Variants in PCNX2 observed in about 807,000 individuals in gnomAD.
PCNX2 encodes the protein pecanex 2, also known as pecanex-like protein 2.
In PCNX2, 168 loss-of-function variants were observed where a neutral mutation model predicts 223.8. That is an observed-to-expected ratio of 0.75 (90% confidence interval 0.66 to 0.85). The LOEUF is 0.85. Among genes scored for constraint, PCNX2 ranks in the 40% least tolerant of loss-of-function variants. The pLI, the probability that PCNX2 is intolerant of heterozygous loss-of-function variation, is 0.00. For missense variants in PCNX2, 2,507 were observed against 2,675.5 expected, an observed-to-expected ratio of 0.94 and a Z score of 1.39; for synonymous variants, 1,006 against 1,052.6, an observed-to-expected ratio of 0.96 and a Z score of 0.86.
In PCNX2 at chr1:233,054,508, C is replaced by T. The variant is rs758562297; in HGVS notation, c.4136-25G>A. The T allele has an allele frequency of 3.2e-6, 5 of 1,557,204 alleles. No individual in the cohort carries two copies. In the East Asian group the frequency reaches 1.1e-4, roughly 35 times the overall value. ...CCTAAAGGCAGACAAGAAATATGAT[C>T]AGTGAATGCCTACTCCTTGCTGTGT... On this transcript the variant is annotated intron_variant, in intron 24 of 33. Coordinates refer to ENST00000258229, the MANE Select transcript of PCNX2 (RefSeq NM_014801.4).
intron 32 of PCNX2, among the ~76,000 whole-genome samples, chr1:232,996,296 C>A (rs556339800): frequency 6.6e-5 from 10 of 152,326 alleles, no homozygotes; most frequent in African/African-American, 2.4e-4. Flanking sequence ...CCAGTCCACA[C>A]AAGTCACCTG....
chr1:233,057,992 T>G (rs1672254189), intron 23 of PCNX2: 1 of 985,416 alleles, frequency 1.0e-6, no homozygotes, highest in African/African-American at 1.7e-5. Context: ...CTCCACCACC[T>G]GCTTTCAAGA....
At chr1:233,222,447 C>T (rs1159208051) in intron 10 of PCNX2, among the ~76,000 whole-genome samples, 1 of 152,048 alleles carries the variant, frequency 6.6e-6, no homozygotes, top group Non-Finnish European at 1.5e-5. Flanking sequence ...ATCCCAGCTA[C>T]TTGGGAGGCT....
intron 15 of PCNX2, among the ~76,000 whole-genome samples, chr1:233,181,976 G>T (rs1014516812): frequency 6.6e-6 from 1 of 152,060 alleles, no homozygotes; most frequent in Non-Finnish European, 1.5e-5. Context: ...TCAGCCTTTC[G>T]AAGGTCTGAG....
chr1:233,077,034 C>T (rs1673124894), intron 23 of PCNX2, among the ~76,000 whole-genome samples: 1 of 152,176 alleles, frequency 6.6e-6, no homozygotes, highest in South Asian at 2.1e-4. Flanking sequence ...AGCAAATAAA[C>T]ATAGCATAGG....
At chr1:233,210,557 T>C (rs1371424990) in intron 12 of PCNX2, 1 of 983,742 alleles carries the variant, frequency 1.0e-6, no homozygotes, top group Non-Finnish European at 1.2e-6. Flanking sequence ...GGGATAACAG[T>C]TGTGAGCCAC....
rs76414101 is a variant in PCNX2 at position 233,061,397 on chromosome 1, C to T, written c.4077-4107G>A. Among the ~76,000 whole-genome samples, 1,374 of 152,298 alleles carry T rather than the reference C, an allele frequency of 9.0e-3. 8 individuals are homozygous for T. The highest frequency in any genetic ancestry group is 0.038 in the East Asian group (195 of 5,186). Reference sequence around the variant, plus strand: ...AGTCAATGGCACTCTGCTGTCACCACGCAGCTCAGAATGATTTGGCACGAG... The same window carrying T: ...AGTCAATGGCACTCTGCTGTCACCATGCAGCTCAGAATGATTTGGCACGAG... On this transcript the variant is annotated intron_variant, in intron 23 of 33. Transcript: ENST00000258229.
At chr1:232,985,986 G>T in intron 33 of PCNX2, 106 bp downstream of exon 33, 1 of 1,230,312 alleles carries the variant, frequency 8.1e-7, no homozygotes, top group Non-Finnish European at 1.2e-6. Flanking sequence ...AAGGGGATGG[G>T]GTTCTGCAGG....
intron 23 of PCNX2, among the ~76,000 whole-genome samples, chr1:233,086,385 C>T (rs1251941871): frequency 2.6e-5 from 4 of 152,064 alleles, no homozygotes; most frequent in Admixed American, 2.6e-4. Flanking sequence ...CAGCCGGGTG[C>T]AGTGGCTCAC....
intron 1 of PCNX2, among the ~76,000 whole-genome samples, chr1:233,268,998 T>G (rs867607082): frequency 6.6e-6 from 1 of 152,150 alleles, no homozygotes; most frequent in South Asian, 2.1e-4. Context: ...ATGGTGCCCC[T>G]GACCAAGTGG....
intron 13 of PCNX2, among the ~76,000 whole-genome samples, chr1:233,204,665 C>T (rs1315289860): frequency 6.6e-6 from 1 of 152,224 alleles, no homozygotes; most frequent in Non-Finnish European, 1.5e-5. Context: ...TCCTTTCTCT[C>T]CCATTTGTTC....
chr1:233,023,858 A>G (rs1670989740), intron 26 of PCNX2, among the ~76,000 whole-genome samples: 1 of 152,228 alleles, frequency 6.6e-6, no homozygotes, highest in Non-Finnish European at 1.5e-5. Context: ...CTAGGGGATG[A>G]GATCTAAGAG....
At chr1:233,259,608 A>C (rs1415200054) in intron 4 of PCNX2, among the ~76,000 whole-genome samples, 1 of 151,996 alleles carries the variant, frequency 6.6e-6, no homozygotes, top group Non-Finnish European at 1.5e-5. Flanking sequence ...ATTTGTCCTA[A>C]TGCTATCTCT....
chr1:233,308,311 TAGCCAG>T, the PCNX2 span, among the ~76,000 whole-genome samples: 1 of 151,902 alleles, frequency 6.6e-6, no homozygotes, highest in African/African-American at 2.4e-5. Context: ...ACAAAAAAAT[TAGCCAG>T]GCATGGTGGT....
chr1:233,061,074 T>C (rs908873344), intron 23 of PCNX2, among the ~76,000 whole-genome samples: 3 of 152,222 alleles, frequency 2.0e-5, no homozygotes, highest in African/African-American at 7.2e-5. Context: ...CCTTTGTCAG[T>C]ACACACAGTC....
intron 8 of PCNX2, among the ~76,000 whole-genome samples, chr1:233,245,249 T>C (rs1018115963): frequency 6.6e-6 from 1 of 152,218 alleles, no homozygotes; most frequent in African/African-American, 2.4e-5. Context: ...GAAAAAGAGA[T>C]GAGAACCCTC....
intron 1 of PCNX2, among the ~76,000 whole-genome samples, chr1:233,287,934 C>T (rs1030435303): frequency 4.6e-5 from 7 of 152,148 alleles, no homozygotes; most frequent in Non-Finnish European, 8.8e-5. Flanking sequence ...AAGTGTCTGC[C>T]TCATATGTGC....
At chr1:233,106,408 A>G (rs1342825305) in intron 21 of PCNX2, among the ~76,000 whole-genome samples, 1 of 136,052 alleles carries the variant, frequency 7.4e-6, no homozygotes, top group African/African-American at 2.8e-5. Context: ...TCTGGAATGC[A>G]GTGATGCAAT....
Position 232,991,047 on chromosome 1 carries a change from G to A in PCNX2, c.5792-4507C>T, listed in dbSNP as rs1002081715. Among the ~76,000 whole-genome samples the A allele has an allele frequency of 6.6e-6, 1 of 152,204 alleles. No homozygotes were observed. The highest frequency in any genetic ancestry group is 1.5e-5 in the Non-Finnish European group (1 of 68,038). ...AGGGCTGCCCACCTGAGCGTCCACCGTGGGCTGCACTGTCCTAGGTGCCGG... is the reference window on the plus strand; with the variant it reads ...AGGGCTGCCCACCTGAGCGTCCACCATGGGCTGCACTGTCCTAGGTGCCGG... On this transcript the variant is annotated intron_variant, in intron 32 of 33. Coordinates refer to ENST00000258229, the MANE Select transcript of PCNX2 (RefSeq NM_014801.4). The surrounding 1 kb of genome is among the most constrained non-coding windows in gnomAD (Gnocchi z 4.3).
Sources: gnomAD v4.1 joint callset for allele counts (sites outside exome capture counted in the v4.1 genomes callset) on GRCh38, gnomAD v4.1.1 for gene constraint, Gnocchi (gnomAD v3.1) non-coding constraint, MANE v1.5 for transcripts, NCBI Gene and HGNC (gene_info 2026-07-23, HGNC 2026-07-21) for gene names.